PCSK5: variants seen among roughly 807,000 people sequenced by gnomAD.
The protein encoded by PCSK5 is proprotein convertase subtilisin/kexin type 5.
In PCSK5, 129 loss-of-function variants were observed where a neutral mutation model predicts 233.2. That is an observed-to-expected ratio of 0.55 (90% confidence interval 0.48 to 0.64). PCSK5 has a LOEUF of 0.64. Ranked by LOEUF, PCSK5 falls within the 30% of genes least tolerant of loss-of-function variation. The probability of loss-of-function intolerance (pLI) is 0.00; values close to 1 mark genes in which losing one functional copy is unlikely to be tolerated. For synonymous variants in PCSK5, 825 were observed against 879.2 expected (o/e 0.94, Z 1.09); for missense variants, 2,076 against 2,430.1 (o/e 0.85, Z 3.06).
intron 12 of PCSK5, among the ~76,000 whole-genome samples, chr9:76,167,597 C>G (rs918243073): frequency 1.3e-5 from 2 of 152,192 alleles, no homozygotes; most frequent in Admixed American, 6.5e-5. Context: ...GCTTTAGAAT[C>G]CTGCTGGCAT....
chr9:76,175,152 A>C (rs757287169), intron 14 of PCSK5, 23 bp downstream of exon 14: 2 of 1,610,098 alleles, frequency 1.2e-6, no homozygotes, highest in African/African-American at 2.7e-5. Flanking sequence ...CCAGTGGGAC[A>C]CAGGCTAAAA....
At chr9:76,252,248 T>C (rs866446116) in intron 24 of PCSK5, among the ~76,000 whole-genome samples, 44 of 152,114 alleles carry the variant, frequency 2.9e-4, no homozygotes, top group Admixed American at 2.6e-4. Context: ...CCAGCCTGTG[T>C]GACAGAAGCG....
intron 9 of PCSK5, among the ~76,000 whole-genome samples, chr9:76,107,761 G>A (rs1314631058): frequency 2.0e-5 from 3 of 152,194 alleles, no homozygotes; most frequent in African/African-American, 4.8e-5. Flanking sequence ...CACAGTCACA[G>A]ACTGGCTCTG....
At chr9:76,030,751 A>G (rs1828620814) in intron 5 of PCSK5, among the ~76,000 whole-genome samples, 1 of 151,784 alleles carries the variant, frequency 6.6e-6, no homozygotes, top group African/African-American at 2.4e-5. Flanking sequence ...CTTTTTATAG[A>G]CTATCCTTTT....
At chr9:75,991,842 G>C (rs1826779591) in intron 3 of PCSK5, among the ~76,000 whole-genome samples, 1 of 152,064 alleles carries the variant, frequency 6.6e-6, no homozygotes, top group Non-Finnish European at 1.5e-5. Context: ...AAAGTTTAGG[G>C]AGTTAAATAT....
At chr9:76,339,216 T>C (rs1829763220) in intron 35 of PCSK5, among the ~76,000 whole-genome samples, 1 of 152,164 alleles carries the variant, frequency 6.6e-6, no homozygotes, top group African/African-American at 2.4e-5. Flanking sequence ...TGAATGCTTC[T>C]CAATATTTAA....
Position 76,361,413 on chromosome 9 carries a change from T to C in PCSK5, c.*2491T>C, listed in dbSNP as rs943314793. 2 of 152,266 alleles carry C rather than the reference T, an allele frequency of 1.3e-5. No individual in the cohort carries two copies. Among genetic ancestry groups the C allele is most frequent in the African/African-American group, 4.8e-5 (2 of 41,462 alleles). The allele number at this position is 152,266 out of a possible 1,614,324, so 9.4% of individuals were successfully genotyped here. A position where few individuals can be genotyped will look rare whatever the true frequency, so the allele number is the denominator to read the frequency against. On this transcript the variant is annotated 3_prime_UTR_variant, in exon 38 of 38. Transcript: ENST00000674117. ...AAAATTATCTCCTTGCCAGGACTGC[T>C]GGCTCATGCCTGTAATCCCAGCACT... is the stretch of plus-strand genomic sequence containing the variant.
At chr9:76,153,156 A>G (rs1286525342) in intron 10 of PCSK5, among the ~76,000 whole-genome samples, 1 of 152,242 alleles carries the variant, frequency 6.6e-6, no homozygotes, top group Non-Finnish European at 1.5e-5. Flanking sequence ...AGGAACAGAT[A>G]TAACAGTAGG....
rs933288826 is a variant in PCSK5, at chr9:76,362,018, A to G, written c.*3096A>G. 9 of 152,240 alleles carry G rather than the reference A, an allele frequency of 5.9e-5. No homozygotes were observed. The highest frequency in any genetic ancestry group is 1.0e-4 in the Non-Finnish European group (7 of 68,042). The allele number at this position is 152,240 out of a possible 1,614,324, so 9.4% of individuals were successfully genotyped here. On this transcript the variant is annotated 3_prime_UTR_variant, in exon 38 of 38. Transcript: ENST00000674117. ...TTGGTTGAGGTTGAGATGAACTTCA[A>G]TACTAAGAAAAATTGTGGTGTTCCT...
intron 3 of PCSK5, among the ~76,000 whole-genome samples, chr9:76,020,532 G>A (rs2131477162): frequency 6.6e-6 from 1 of 152,216 alleles, no homozygotes; most frequent in Non-Finnish European, 1.5e-5. Context: ...GTATTTTGGT[G>A]GCTTGCTATA....
intron 3 of PCSK5, among the ~76,000 whole-genome samples, chr9:76,021,672 A>T (rs1828197394): frequency 6.6e-6 from 1 of 152,182 alleles, no homozygotes; most frequent in African/African-American, 2.4e-5. Flanking sequence ...AATCTTTGAA[A>T]CTACTCAAAT....
intron 33 of PCSK5, among the ~76,000 whole-genome samples, chr9:76,330,584 A>G (rs1324885473): frequency 6.6e-6 from 1 of 152,166 alleles, no homozygotes; most frequent in Non-Finnish European, 1.5e-5. Flanking sequence ...CTTCATCTCT[A>G]CAAAAAATGG....
At chr9:76,097,333 C>T (rs1831574961) in intron 8 of PCSK5, among the ~76,000 whole-genome samples, 1 of 135,510 alleles carries the variant, frequency 7.4e-6, no homozygotes. Flanking sequence ...AATCTCGGCT[C>T]ACTGCAAGCT....
intron 2 of PCSK5, among the ~76,000 whole-genome samples, chr9:75,977,778 T>C (rs957119421): frequency 3.3e-5 from 5 of 151,556 alleles, no homozygotes; most frequent in African/African-American, 7.3e-5. Flanking sequence ...GCACGGCTAA[T>C]TTTTTATATT....
intron 10 of PCSK5, among the ~76,000 whole-genome samples, chr9:76,145,059 A>T (rs1823389664): frequency 6.6e-6 from 1 of 152,174 alleles, no homozygotes; most frequent in African/African-American, 2.4e-5. Context: ...TGGGAGGCAG[A>T]GGTTGCAGTG....
intron 24 of PCSK5, among the ~76,000 whole-genome samples, chr9:76,257,512 G>T (rs1827022983): frequency 6.6e-6 from 1 of 152,148 alleles, no homozygotes; most frequent in African/African-American, 2.4e-5. Flanking sequence ...AGGGTAATTT[G>T]GTAGGCATCC....
chr9:76,101,270 T>C (rs1299036971), intron 8 of PCSK5, among the ~76,000 whole-genome samples: 1 of 152,198 alleles, frequency 6.6e-6, no homozygotes, highest in Non-Finnish European at 1.5e-5. Flanking sequence ...GTTGTTTATA[T>C]AGCTGCAGGA....
intron 1 of PCSK5, among the ~76,000 whole-genome samples, chr9:75,907,157 A>G (rs1407464009): frequency 6.6e-6 from 1 of 151,984 alleles, no homozygotes; most frequent in Non-Finnish European, 1.5e-5. Context: ...CTTGCCCAGA[A>G]TTCTCTTAGG....
chr9:76,136,265 T>A (rs1822974345), intron 10 of PCSK5, among the ~76,000 whole-genome samples: 1 of 151,728 alleles, frequency 6.6e-6, no homozygotes, highest in Non-Finnish European at 1.5e-5. Context: ...AACGTTACCA[T>A]CCCCTCCCTA....
Sources: gnomAD v4.1 joint callset for allele counts (sites outside exome capture counted in the v4.1 genomes callset) on GRCh38, gnomAD v4.1.1 for gene constraint, MANE v1.5 for transcripts, NCBI Gene and HGNC (gene_info 2026-07-23, HGNC 2026-07-21) for gene names.